ARB2A: variants seen among roughly 807,000 people sequenced by gnomAD.
The protein encoded by ARB2A is cotranscriptional regulator ARB2A.
chr5:93,849,690 T>C, the ARB2A span, among the ~76,000 whole-genome samples: 1 of 152,132 alleles, frequency 6.6e-6, no homozygotes, highest in African/African-American at 2.4e-5. Flanking sequence ...GTGACTGACA[T>C]ATGCAAATTT....
At chr5:93,806,537 A>G in the ARB2A span, among the ~76,000 whole-genome samples, 1 of 151,922 alleles carries the variant, frequency 6.6e-6, no homozygotes, top group Non-Finnish European at 1.5e-5. Context: ...ATACTTCATT[A>G]TATAGCTATA....
chr5:93,701,639 C>T, the ARB2A span, among the ~76,000 whole-genome samples: 5 of 151,560 alleles, frequency 3.3e-5, no homozygotes, highest in Non-Finnish European at 2.9e-5. Flanking sequence ...AATATAGGTG[C>T]GATCCACTAG....
At chr5:93,628,510 C>T in the ARB2A span, among the ~76,000 whole-genome samples, 12 of 152,300 alleles carry the variant, frequency 7.9e-5, 1 homozygote, top group African/African-American at 2.9e-4. Flanking sequence ...CTGTGAAAGT[C>T]CTAGATGGCA....
At chr5:93,916,450 T>C in the ARB2A span, among the ~76,000 whole-genome samples, 3 of 152,196 alleles carry the variant, frequency 2.0e-5, no homozygotes, top group African/African-American at 7.2e-5. Context: ...GTATTATCTA[T>C]GCTCTACCAA....
chr5:93,705,253 C>A, the ARB2A span, among the ~76,000 whole-genome samples: 4 of 152,098 alleles, frequency 2.6e-5, no homozygotes, highest in African/African-American at 9.7e-5. Context: ...GAAAGTTAAC[C>A]ATAGGCCAAA....
chr5:93,988,911 C>T, the ARB2A span, among the ~76,000 whole-genome samples: 1 of 152,132 alleles, frequency 6.6e-6, no homozygotes, highest in Non-Finnish European at 1.5e-5. Flanking sequence ...AGGCAATCTA[C>T]CTGCCCTGGA....
the ARB2A span, among the ~76,000 whole-genome samples, chr5:94,071,997 A>G: frequency 6.6e-6 from 1 of 152,142 alleles, no homozygotes; most frequent in Admixed American, 6.6e-5. Context: ...GTTAAACAAA[A>G]TGGCATATCT....
At chr5:94,027,211 T>C in the ARB2A span, among the ~76,000 whole-genome samples, 3 of 152,184 alleles carry the variant, frequency 2.0e-5, no homozygotes, top group South Asian at 2.1e-4. Context: ...AGCTGTGATA[T>C]TGTGAACTAT....
chr5:93,728,683 A>G, the ARB2A span, among the ~76,000 whole-genome samples: 5 of 152,040 alleles, frequency 3.3e-5, no homozygotes, highest in African/African-American at 4.8e-5. Context: ...ACCAGTACTA[A>G]ATTACATTAG....
At chr5:93,756,948 G>A in the ARB2A span, among the ~76,000 whole-genome samples, 6 of 152,114 alleles carry the variant, frequency 3.9e-5, no homozygotes, top group Admixed American at 6.6e-5. Flanking sequence ...AGAGAAAGGC[G>A]AAGTCCAATG....
At chr5:93,899,658 T>C in the ARB2A span, among the ~76,000 whole-genome samples, 10 of 152,328 alleles carry the variant, frequency 6.6e-5, no homozygotes, top group East Asian at 1.9e-3. Context: ...CAATGTTCTT[T>C]AACAGTTAGA....
the ARB2A span, among the ~76,000 whole-genome samples, chr5:93,955,418 C>T: frequency 3.9e-5 from 6 of 152,000 alleles, no homozygotes; most frequent in African/African-American, 1.5e-4. Context: ...ATAAAAATAG[C>T]ATTAATTTTT....
At chr5:93,790,590 T>C in the ARB2A span, among the ~76,000 whole-genome samples, 1 of 152,240 alleles carries the variant, frequency 6.6e-6, no homozygotes, top group East Asian at 1.9e-4. Context: ...GAAAACAGAA[T>C]TGGTGAAGCA....
chr5:94,054,566 C>T, the ARB2A span, among the ~76,000 whole-genome samples: 315 of 152,238 alleles, frequency 2.1e-3, 2 homozygotes, highest in African/African-American at 7.3e-3. Context: ...ACCAGTGATG[C>T]TAGCCTTCAT....
the ARB2A span, among the ~76,000 whole-genome samples, chr5:93,825,145 T>A: frequency 6.6e-6 from 1 of 152,368 alleles, no homozygotes; most frequent in Non-Finnish European, 1.5e-5. Context: ...TGTTCTTGTC[T>A]GCAGCTGATC....
the ARB2A span, among the ~76,000 whole-genome samples, chr5:93,944,346 A>T: frequency 2.0e-5 from 3 of 152,198 alleles, no homozygotes; most frequent in Non-Finnish European, 1.5e-5. Context: ...CTGTAATTCC[A>T]GCACTTTGGA....
the ARB2A span, among the ~76,000 whole-genome samples, chr5:93,719,136 G>T: frequency 6.6e-6 from 1 of 152,142 alleles, no homozygotes; most frequent in African/African-American, 2.4e-5. Flanking sequence ...CCACACAGGA[G>T]ATTTCTCCAT....
At chr5:93,966,347 C>G in the ARB2A span, among the ~76,000 whole-genome samples, 5 of 152,032 alleles carry the variant, frequency 3.3e-5, no homozygotes, top group Non-Finnish European at 2.9e-5. Flanking sequence ...TTAAATACTA[C>G]TGACCTTACA....
the ARB2A span, among the ~76,000 whole-genome samples, chr5:93,834,951 C>T: frequency 6.6e-6 from 1 of 152,144 alleles, no homozygotes; most frequent in East Asian, 1.9e-4. Context: ...CCATGAATTC[C>T]ACATTAGAGT....
Sources: gnomAD v4.1 joint callset for allele counts (sites outside exome capture counted in the v4.1 genomes callset) on GRCh38, gnomAD v4.1.1 for gene constraint, MANE v1.5 for transcripts, NCBI Gene and HGNC (gene_info 2026-07-23, HGNC 2026-07-21) for gene names.